PAQR5: variants seen among roughly 807,000 people sequenced by gnomAD.
PAQR5 encodes membrane progestin receptor gamma.
Under a neutral mutation model 34.5 loss-of-function variants are expected in PAQR5, and 20 were observed. The observed-to-expected ratio is 0.58, with a 90% CI of 0.41 to 0.84. The LOEUF (loss-of-function observed/expected upper bound fraction) is 0.84. Ranked by LOEUF, PAQR5 falls within the 40% of genes least tolerant of loss-of-function variation. The probability of loss-of-function intolerance (pLI) is 0.00; values close to 1 mark genes in which losing one functional copy is unlikely to be tolerated. For missense variants in PAQR5, 378 were observed against 412.7 expected (o/e 0.92, Z 0.73); for synonymous variants, 131 against 155.6 (o/e 0.84, Z 1.18).
intron 2 of PAQR5, among the ~76,000 whole-genome samples, chr15:69,342,659 C>T (rs1388859576): frequency 6.6e-6 from 1 of 152,132 alleles, no homozygotes; most frequent in Non-Finnish European, 1.5e-5. Context: ...ACTGCTGGGG[C>T]CTTCTGGCAC....
chr15:69,403,490 T>G (rs2140281145), intron 8 of PAQR5, 91 bp from the exon 9 acceptor site: 2 of 1,256,354 alleles, frequency 1.6e-6, no homozygotes, highest in Non-Finnish European at 2.2e-6. Context: ...TTTCTTTCAC[T>G]TAGCATCATT....
chr15:69,394,302 A>G (rs1288750315), intron 6 of PAQR5, among the ~76,000 whole-genome samples: 1 of 152,120 alleles, frequency 6.6e-6, no homozygotes, highest in Non-Finnish European at 1.5e-5. Context: ...TAGAAGGCTC[A>G]GCAGACATGG....
chr15:69,301,859 A>ATTTTTTTTTTTTTTTTTT (rs71149903), intron 1 of PAQR5, among the ~76,000 whole-genome samples: 21 of 98,866 alleles, frequency 2.1e-4, no homozygotes, highest in Non-Finnish European at 3.2e-4. Flanking sequence ...ATGGGGGGAG[A>ATTTTTTTTTTTTTTTTTT]TTTTTTTTTT....
At chr15:69,394,768 T>C (rs1276314490) in intron 6 of PAQR5, among the ~76,000 whole-genome samples, 1 of 152,248 alleles carries the variant, frequency 6.6e-6, no homozygotes, top group Non-Finnish European at 1.5e-5. Flanking sequence ...GCTGTGGTTC[T>C]GCTCTGGCTG....
chr15:69,360,143 A>G lies in PAQR5; in HGVS notation c.51+12A>G. 4 of 1,603,324 alleles carry G rather than the reference A, an allele frequency of 2.5e-6. No individual in the cohort carries two copies. The highest frequency in any genetic ancestry group is 2.2e-5 in the South Asian group (2 of 90,880). ...ACCAGATACCCCAGGTATGTGCTCT[A>G]TTGATTATGATGGTTCATTTCCAGA... On this transcript the variant is annotated intron_variant, in intron 3 of 8. Coordinates refer to ENST00000395407, the MANE Select transcript of PAQR5 (RefSeq NM_017705.4).
chr15:69,391,704 A>G (rs1221932865), intron 6 of PAQR5: 1 of 455,980 alleles, frequency 2.2e-6, no homozygotes, highest in African/African-American at 2.0e-5. Flanking sequence ...AGACAGGGAG[A>G]GTACCACAGG....
At chr15:69,320,938 G>T (rs1478921814) in intron 1 of PAQR5, among the ~76,000 whole-genome samples, 2 of 152,202 alleles carry the variant, frequency 1.3e-5, no homozygotes, top group Non-Finnish European at 2.9e-5. Context: ...ATATATTTGT[G>T]TGATATCTTC....
intron 6 of PAQR5, among the ~76,000 whole-genome samples, chr15:69,393,604 C>T (rs1377833645): frequency 1.1e-4 from 17 of 152,136 alleles, no homozygotes; most frequent in African/African-American, 3.9e-4. Flanking sequence ...CAGGCTCCAC[C>T]CCTGCCTCTC....
chr15:69,384,726 A>G lies in PAQR5; in HGVS notation c.229A>G (p.Asn77Asp), dbSNP rs762111029. ...VTALYMTDIK[N>D]DSYSWPMLVY... ...TGCACTGTATATGACAGACATCAAG[A>G]ATGACAGCTACTCCTGGCCCATGCT... The change falls in exon 5 of 9, where the codon AAT becomes GAT. Residue 77 changes from asparagine to aspartate, a missense_variant. Coordinates refer to ENST00000395407, the MANE Select transcript of PAQR5 (RefSeq NM_017705.4). 6.2e-7 allele frequency: 1 copy of G among 1,614,086 alleles called. No homozygotes were observed. The highest frequency in any genetic ancestry group is 8.5e-7 in the Non-Finnish European group (1 of 1,179,960).
chr15:69,387,810 A>G (rs1028843025), intron 5 of PAQR5, among the ~76,000 whole-genome samples: 3 of 152,058 alleles, frequency 2.0e-5, no homozygotes, highest in Non-Finnish European at 4.4e-5. Context: ...CCCATAGGCC[A>G]TTCCCCAGAA....
chr15:69,368,502 A>C (rs569158057), intron 3 of PAQR5, among the ~76,000 whole-genome samples: 10 of 152,366 alleles, frequency 6.6e-5, no homozygotes, highest in African/African-American at 2.4e-4. Flanking sequence ...CTGAAAACTG[A>C]TGACTCAATA....
At chr15:69,303,025 T>C (rs1196932391) in intron 1 of PAQR5, among the ~76,000 whole-genome samples, 1 of 152,214 alleles carries the variant, frequency 6.6e-6, no homozygotes, top group Non-Finnish European at 1.5e-5. Flanking sequence ...CTGTCCTCCC[T>C]GTTAGAATAG....
chr15:69,322,998 AGGT>A (rs775258955), intron 1 of PAQR5, among the ~76,000 whole-genome samples: 10 of 150,154 alleles, frequency 6.7e-5, no homozygotes, highest in Non-Finnish European at 1.2e-4. Context: ...GGCTGGTGGG[AGGT>A]GGGGCTGGGG....
At chr15:69,353,267 T>C (rs571126870) in intron 2 of PAQR5, among the ~76,000 whole-genome samples, 2 of 152,258 alleles carry the variant, frequency 1.3e-5, no homozygotes, top group Non-Finnish European at 2.9e-5. Flanking sequence ...CCTTCCATCA[T>C]GGAAGAGGCA....
chr15:69,358,633 A>ATGTTTTTTTTTTTT (rs2055144055), intron 2 of PAQR5, among the ~76,000 whole-genome samples: 1 of 84,466 alleles, frequency 1.2e-5, no homozygotes. Flanking sequence ...GCTCTGTGGC[A>ATGTTTTTTTTTTTT]TTTTTTTTTT....
chr15:69,393,120 G>A (rs1460907802), intron 6 of PAQR5, among the ~76,000 whole-genome samples: 1 of 152,028 alleles, frequency 6.6e-6, no homozygotes, highest in Non-Finnish European at 1.5e-5. Context: ...GGCTATGTTG[G>A]AATCAAAAAG....
At chr15:69,334,064 C>T (rs1567005182) in intron 1 of PAQR5, among the ~76,000 whole-genome samples, 1 of 152,132 alleles carries the variant, frequency 6.6e-6, no homozygotes, top group Non-Finnish European at 1.5e-5. Context: ...GAGTCTCACT[C>T]TCTCACCAGA....
chr15:69,335,664 C>T (rs1023692358), intron 1 of PAQR5, among the ~76,000 whole-genome samples: 2 of 147,704 alleles, frequency 1.4e-5, no homozygotes, highest in Admixed American at 1.4e-4. Flanking sequence ...ATTCTCCTTA[C>T]CTCAGCCTCC....
chr15:69,387,882 C>T (rs949936053), intron 5 of PAQR5, among the ~76,000 whole-genome samples: 1 of 141,960 alleles, frequency 7.0e-6, no homozygotes, highest in Non-Finnish European at 1.5e-5. Context: ...GCCCTGTGCC[C>T]TTCCTCCAAC....
Sources: gnomAD v4.1 joint callset for allele counts (sites outside exome capture counted in the v4.1 genomes callset) on GRCh38, gnomAD v4.1.1 for gene constraint, MANE v1.5 for transcripts, NCBI Gene and HGNC (gene_info 2026-07-23, HGNC 2026-07-21) for gene names.